The following ACACA variants were observed in gnomAD, a reference collection of about 807,000 sequenced individuals.
ACACA encodes acetyl-CoA carboxylase 1.
In ACACA, 103 loss-of-function variants were observed where a neutral mutation model predicts 296.1. The ratio of observed to expected loss-of-function variants is 0.35; its 90% confidence interval spans 0.30 to 0.41. The LOEUF (loss-of-function observed/expected upper bound fraction) is 0.41, where lower values mean the gene tolerates loss of function less well. ACACA is among the 10% of genes least tolerant of loss of function. The probability of loss-of-function intolerance (pLI) is 1.00; values close to 1 mark genes in which losing one functional copy is unlikely to be tolerated. For missense variants in ACACA, 1,554 were observed against 2,989.7 expected, an observed-to-expected ratio of 0.52 and a Z score of 11.20; for synonymous variants, 953 against 1,038.6, an observed-to-expected ratio of 0.92 and a Z score of 1.58.
intron 52 of ACACA, 102 bp from the exon 53 acceptor site, chr17:37,098,086 TCTTCCCTCTGTGG>T: frequency 2.1e-6 from 3 of 1,446,938 alleles, no homozygotes; most frequent in Non-Finnish European, 1.9e-6. Context: ...GCCTGCCCCC[TCTTCCCTCTGTGG>T]CCTGGCTCTC....
At chr17:37,119,306 T>G (rs2074405889) in intron 50 of ACACA, among the ~76,000 whole-genome samples, 1 of 152,200 alleles carries the variant, frequency 6.6e-6, no homozygotes, top group South Asian at 2.1e-4. Flanking sequence ...AGCAATGTAT[T>G]GTTTCTGACT....
Position 37,339,803 on chromosome 17 carries a change from C to T in ACACA, c.85+1G>A. On this transcript the variant is annotated splice_donor_variant, in intron 2 of 55. Transcript: ENST00000616317. LOFTEE classifies it high-confidence loss of function. ...AACAAGGAGTATTATTTGTAACTGA[C>T]CTCTTATAATTCTTACTGTCTGAGT... 1 of 1,375,134 alleles carries T rather than the reference C, an allele frequency of 7.3e-7. No homozygotes were observed. Among genetic ancestry groups the T allele is most frequent in the South Asian group, 1.2e-5 (1 of 85,222 alleles). 85.2% of individuals were successfully genotyped at this position (1,375,134 alleles called of 1,614,324 possible).
intron 14 of ACACA, among the ~76,000 whole-genome samples, chr17:37,256,501 C>T (rs1204735206): frequency 1.3e-5 from 2 of 152,174 alleles, no homozygotes; most frequent in Admixed American, 6.5e-5. Context: ...AATACCAGCA[C>T]TTTGTGGGGC....
chr17:37,375,425 T>G (rs2049963935), intron 1 of ACACA, among the ~76,000 whole-genome samples: 5 of 152,008 alleles, frequency 3.3e-5, no homozygotes, highest in Admixed American at 3.3e-4. Context: ...AGACAGAGCT[T>G]GCAGTGAGCC....
intron 41 of ACACA, among the ~76,000 whole-genome samples, chr17:37,167,179 C>A (rs891348341): frequency 1.5e-5 from 2 of 130,470 alleles, no homozygotes; most frequent in African/African-American, 5.9e-5. Flanking sequence ...CCAGGTTGGT[C>A]TCGAACTCCT....
intron 11 of ACACA, among the ~76,000 whole-genome samples, chr17:37,260,761 A>G (rs1222232635): frequency 6.6e-6 from 1 of 152,150 alleles, no homozygotes; most frequent in African/African-American, 2.4e-5. Flanking sequence ...AAAAGAAAGA[A>G]AAAGAAAAGA....
Position 37,221,611 on chromosome 17 carries a change from T to C in ACACA, c.3683+113A>G, listed in dbSNP as rs1388406205. 6.4e-6 allele frequency: 6 copies of C among 930,474 alleles called. No individual in the cohort carries two copies. The Middle Eastern group carries it at 8.4e-4, about 131-fold the overall frequency. 57.6% of individuals were successfully genotyped at this position (930,474 alleles called of 1,614,324 possible). ...TCTCTTTTGGTTCATATTGTTCATT[T>C]TTTGCCCTACATTTCTAACTAAAAA... On this transcript the variant is annotated intron_variant, in intron 29 of 55. Transcript: ENST00000616317.
chr17:37,393,776 C>A (rs1306594551), intron 1 of ACACA, among the ~76,000 whole-genome samples: 3 of 151,184 alleles, frequency 2.0e-5, no homozygotes, highest in African/African-American at 7.3e-5. Flanking sequence ...TGAGATTGAA[C>A]CATTGCACTC....
chr17:37,320,699 C>T (rs1023708883), intron 3 of ACACA, among the ~76,000 whole-genome samples: 3 of 152,052 alleles, frequency 2.0e-5, no homozygotes, highest in Non-Finnish European at 4.4e-5. Flanking sequence ...GTAATCCCAG[C>T]ACTTTGGGAA....
intron 50 of ACACA, among the ~76,000 whole-genome samples, chr17:37,117,523 G>A (rs972654432): frequency 1.3e-5 from 2 of 152,202 alleles, no homozygotes; most frequent in African/African-American, 2.4e-5. Flanking sequence ...CTGAGGCTGG[G>A]ACCCTGGTGC....
intron 33 of ACACA, among the ~76,000 whole-genome samples, 187 bp from the exon 34 acceptor site, chr17:37,200,670 G>A (rs1195529244): frequency 3.9e-5 from 6 of 152,118 alleles, no homozygotes; most frequent in African/African-American, 7.2e-5. Context: ...TAAGTCTTAC[G>A]AAATAAATTT....
intron 15 of ACACA, among the ~76,000 whole-genome samples, 181 bp from the exon 16 acceptor site, chr17:37,252,289 G>C (rs1039761933): frequency 1.3e-5 from 2 of 152,118 alleles, no homozygotes; most frequent in African/African-American, 4.8e-5. Context: ...TTGATTAGAG[G>C]CACCACTTGA....
At chr17:37,361,888 A>G (rs1308813144) in intron 1 of ACACA, among the ~76,000 whole-genome samples, 1 of 152,260 alleles carries the variant, frequency 6.6e-6, no homozygotes, top group Non-Finnish European at 1.5e-5. Context: ...AGAAGCTGAT[A>G]CTAGAGGTCT....
chr17:37,287,980 T>G (rs1054441406), intron 3 of ACACA, among the ~76,000 whole-genome samples: 5 of 152,140 alleles, frequency 3.3e-5, no homozygotes, highest in African/African-American at 9.7e-5. Flanking sequence ...GACTGGAACT[T>G]TAAAGTTAAG....
chr17:37,112,490 T>C (rs2074030870), intron 51 of ACACA, among the ~76,000 whole-genome samples: 3 of 152,218 alleles, frequency 2.0e-5, no homozygotes, highest in Non-Finnish European at 4.4e-5. Flanking sequence ...GAGGCAGAAC[T>C]GGATTTGAAA....
At position 37,263,784 on chromosome 17, in the gene ACACA, CAA is replaced by C; in HGVS notation, c.1228_1229del (p.Leu410ValfsTer4). ...LADQYGNAISLFGRDCSVQRR... is the reference protein window; with the variant it reads ...LADQYGNAISXFGRDCSVQRR... ...GTTGTACAGAGCAATCACGACCAAACAAAGAGATAGCATTGCCATATTGGTCC... is the reference window on the plus strand; with the variant it reads ...GTTGTACAGAGCAATCACGACCAAACAGAGATAGCATTGCCATATTGGTCC... On this transcript the variant is annotated frameshift_variant, in exon 11 of 56. Transcript: ENST00000616317. LOFTEE classifies it high-confidence loss of function. 6.2e-7 allele frequency: 1 copy of C among 1,613,946 alleles called. No individual in the cohort carries two copies. Among genetic ancestry groups the C allele is most frequent in the South Asian group, 1.1e-5 (1 of 91,078 alleles).
chr17:37,230,278 G>C (rs1175870827), intron 25 of ACACA, among the ~76,000 whole-genome samples: 1 of 151,454 alleles, frequency 6.6e-6, no homozygotes, highest in Non-Finnish European at 1.5e-5. Context: ...CAGCTACTCA[G>C]GAGGCTGAGG....
chr17:37,320,917 A>G (rs1189811924), intron 3 of ACACA, among the ~76,000 whole-genome samples: 1 of 151,804 alleles, frequency 6.6e-6, no homozygotes, highest in Non-Finnish European at 1.5e-5. Flanking sequence ...ATCGCACTCC[A>G]GCCTGGGCAA....
chr17:37,360,578 T>C (rs2049365002), intron 1 of ACACA, among the ~76,000 whole-genome samples: 1 of 152,128 alleles, frequency 6.6e-6, no homozygotes, highest in South Asian at 2.1e-4. Context: ...GGTGGATGGC[T>C]TGAGGCGAGG....
Sources: gnomAD v4.1 joint callset for allele counts (sites outside exome capture counted in the v4.1 genomes callset) on GRCh38, gnomAD v4.1.1 for gene constraint, MANE v1.5 for transcripts, NCBI Gene and HGNC (gene_info 2026-07-23, HGNC 2026-07-21) for gene names.